Variants in ENTREP2 observed in about 807,000 individuals in gnomAD.
ENTREP2 encodes protein ENTREP2.
the ENTREP2 span, chr15:29,122,535 G>A: frequency 3.3e-5 from 5 of 152,164 alleles, no homozygotes; most frequent in African/African-American, 1.2e-4. Context: ...AAGGAGCTGG[G>A]AATCGGCACT....
the ENTREP2 span, among the ~76,000 whole-genome samples, chr15:29,561,693 TATA>T: frequency 1.4e-5 from 2 of 147,656 alleles, no homozygotes; most frequent in African/African-American, 2.5e-5. Flanking sequence ...ATCTCAAAAT[TATA>T]ATAATAATAA....
the ENTREP2 span, among the ~76,000 whole-genome samples, chr15:29,159,148 C>G: frequency 6.6e-6 from 1 of 152,052 alleles, no homozygotes; most frequent in Non-Finnish European, 1.5e-5. Context: ...GGTGGCGTGT[C>G]TGGAGTCTGT....
the ENTREP2 span, chr15:29,195,307 C>T: frequency 1.0e-6 from 1 of 985,288 alleles, no homozygotes; most frequent in Non-Finnish European, 1.2e-6. Context: ...TACATCTTTG[C>T]TTGTCTACCA....
the ENTREP2 span, among the ~76,000 whole-genome samples, chr15:29,654,970 A>G: frequency 6.6e-6 from 1 of 152,190 alleles, no homozygotes; most frequent in Non-Finnish European, 1.5e-5. Flanking sequence ...CTTTGTATCT[A>G]TTAGTTATGC....
At chr15:29,657,397 G>A in the ENTREP2 span, among the ~76,000 whole-genome samples, 1 of 143,540 alleles carries the variant, frequency 7.0e-6, no homozygotes, top group African/African-American at 2.6e-5. Flanking sequence ...CAAAAAGTGA[G>A]CAGTAGCAGC....
the ENTREP2 span, among the ~76,000 whole-genome samples, chr15:29,653,478 A>C: frequency 6.6e-6 from 1 of 152,222 alleles, no homozygotes; most frequent in South Asian, 2.1e-4. Context: ...GGGAGAGACC[A>C]GGTGGAGGTA....
chr15:29,649,954 G>C, the ENTREP2 span, among the ~76,000 whole-genome samples: 2 of 152,020 alleles, frequency 1.3e-5, no homozygotes, highest in Non-Finnish European at 2.9e-5. Context: ...CTAGAGATGT[G>C]AAAGGTATAT....
At chr15:29,451,916 T>C in the ENTREP2 span, among the ~76,000 whole-genome samples, 3 of 152,274 alleles carry the variant, frequency 2.0e-5, no homozygotes, top group African/African-American at 7.2e-5. Flanking sequence ...ATTTATTGTA[T>C]TTTAATATCA....
chr15:29,204,994 G>A, the ENTREP2 span, among the ~76,000 whole-genome samples: 1 of 151,864 alleles, frequency 6.6e-6, no homozygotes. Flanking sequence ...CTCTCCCACA[G>A]GCCCCCAACA....
the ENTREP2 span, among the ~76,000 whole-genome samples, chr15:29,387,235 T>C: frequency 6.6e-6 from 1 of 152,230 alleles, no homozygotes; most frequent in Non-Finnish European, 1.5e-5. Flanking sequence ...TCAAAGGCCT[T>C]TTCTGCATCT....
At chr15:29,244,345 C>T in the ENTREP2 span, among the ~76,000 whole-genome samples, 2 of 152,164 alleles carry the variant, frequency 1.3e-5, no homozygotes, top group African/African-American at 2.4e-5. Context: ...ACATGGTAAC[C>T]CATTAGGAGC....
At chr15:29,524,864 C>G in the ENTREP2 span, among the ~76,000 whole-genome samples, 2 of 152,206 alleles carry the variant, frequency 1.3e-5, no homozygotes, top group Non-Finnish European at 2.9e-5. Flanking sequence ...ATAGAGCTCC[C>G]ATACAAGGGA....
the ENTREP2 span, chr15:29,234,205 G>T: frequency 0.39 from 625,469 of 1,607,658 alleles, 126,949 homozygotes; most frequent in East Asian, 0.58. Context: ...CACCACGAAG[G>T]CTCAAACGCT....
the ENTREP2 span, among the ~76,000 whole-genome samples, chr15:29,178,156 T>C: frequency 6.6e-6 from 1 of 151,652 alleles, no homozygotes; most frequent in Non-Finnish European, 1.5e-5. Flanking sequence ...TAGCTGCATA[T>C]GGTGGTACGT....
At chr15:29,384,271 T>A in the ENTREP2 span, among the ~76,000 whole-genome samples, 1 of 152,118 alleles carries the variant, frequency 6.6e-6, no homozygotes, top group Non-Finnish European at 1.5e-5. Context: ...AATTCAAAAT[T>A]TCTGACCATA....
the ENTREP2 span, among the ~76,000 whole-genome samples, chr15:29,247,127 GA>G: frequency 6.6e-6 from 1 of 151,708 alleles, no homozygotes; most frequent in Non-Finnish European, 1.5e-5. Context: ...ATTATGCAGA[GA>G]AAAAAACACA....
chr15:29,455,045 C>T, the ENTREP2 span, among the ~76,000 whole-genome samples: 4 of 152,156 alleles, frequency 2.6e-5, no homozygotes, highest in Admixed American at 2.0e-4. Context: ...GTGTGATTTG[C>T]TCTGACCAAT....
At chr15:29,644,127 A>T in the ENTREP2 span, among the ~76,000 whole-genome samples, 1 of 152,220 alleles carries the variant, frequency 6.6e-6, no homozygotes, top group Non-Finnish European at 1.5e-5. Flanking sequence ...GAACTGATAC[A>T]TGCTTCAGCA....
At chr15:29,408,491 G>A in the ENTREP2 span, among the ~76,000 whole-genome samples, 1 of 152,166 alleles carries the variant, frequency 6.6e-6, no homozygotes, top group Admixed American at 6.5e-5. Context: ...TGGTGAGACG[G>A]TCTTTGTTTT....
Sources: allele counts gnomAD v4.1 joint callset (sites outside exome capture counted in the v4.1 genomes callset), GRCh38; gene constraint gnomAD v4.1.1; transcripts MANE v1.5; gene names NCBI Gene and HGNC (gene_info 2026-07-23, HGNC 2026-07-21).